FOXP1: variants seen among roughly 807,000 people sequenced by gnomAD.
The protein encoded by FOXP1 is forkhead box P1.
FOXP1 carries 15 observed loss-of-function variants against 98.2 expected under a neutral mutation model. That is an observed-to-expected ratio of 0.15 (90% CI 0.10 to 0.24). The LOEUF (loss-of-function observed/expected upper bound fraction) is 0.24. Ranked by LOEUF, FOXP1 falls within the 10% of genes least tolerant of loss-of-function variation. The pLI is 1.00. For missense variants in FOXP1, 633 were observed against 848.5 expected (o/e 0.75, Z 3.15); for synonymous variants, 371 against 314.5 (o/e 1.18, Z -1.90).
At chr3:71,517,370 T>C (rs987706546) in intron 2 of FOXP1, among the ~76,000 whole-genome samples, 2 of 152,238 alleles carry the variant, frequency 1.3e-5, no homozygotes, top group East Asian at 1.9e-4. Flanking sequence ...AATGCAAGAA[T>C]GTATTTGTCT....
chr3:71,397,097 T>TAC (rs2081575452), intron 3 of FOXP1, among the ~76,000 whole-genome samples: 40 of 106,048 alleles, frequency 3.8e-4, no homozygotes, highest in African/African-American at 1.1e-3. Context: ...TATATATATA[T>TAC]ATACATATAT....
chr3:71,427,236 C>A (rs2084244510), intron 3 of FOXP1, among the ~76,000 whole-genome samples: 1 of 151,982 alleles, frequency 6.6e-6, no homozygotes, highest in Non-Finnish European at 1.5e-5. Context: ...CAGGGTCTGG[C>A]ACAAATATAG....
intron 7 of FOXP1, among the ~76,000 whole-genome samples, chr3:71,061,787 C>G (rs2051525363): frequency 6.6e-6 from 1 of 152,172 alleles, no homozygotes; most frequent in Non-Finnish European, 1.5e-5. Flanking sequence ...TCATCTACAA[C>G]TAAACCACAT....
intron 9 of FOXP1, 59 bp from the exon 10 acceptor site, chr3:71,047,154 T>C: frequency 6.3e-7 from 1 of 1,591,718 alleles, no homozygotes; most frequent in Non-Finnish European, 8.6e-7. Context: ...GTTAAAAGTA[T>C]GGACACTTCA....
At chr3:71,410,138 T>G (rs1316038167) in intron 3 of FOXP1, among the ~76,000 whole-genome samples, 2 of 152,140 alleles carry the variant, frequency 1.3e-5, no homozygotes, top group African/African-American at 4.8e-5. Flanking sequence ...ACTTAACCAC[T>G]CAGAGTTTTC....
chr3:71,062,733 G>C (rs1010456568), intron 7 of FOXP1, among the ~76,000 whole-genome samples: 1 of 152,190 alleles, frequency 6.6e-6, no homozygotes, highest in Non-Finnish European at 1.5e-5. Context: ...CGTCAGACAA[G>C]CTGCACATTT....
At chr3:71,481,752 CT>C (rs988342778) in intron 3 of FOXP1, among the ~76,000 whole-genome samples, 5 of 151,972 alleles carry the variant, frequency 3.3e-5, no homozygotes, top group Admixed American at 2.6e-4. Context: ...TTATTCTTAC[CT>C]TTCTTGAGAA....
At chr3:71,119,061 C>T (rs1454906103) in intron 6 of FOXP1, among the ~76,000 whole-genome samples, 1 of 152,220 alleles carries the variant, frequency 6.6e-6, no homozygotes, top group Non-Finnish European at 1.5e-5. Context: ...CCAATCAGTT[C>T]CCCAAAATAA....
intron 8 of FOXP1, 68 bp from the exon 9 acceptor site, chr3:71,052,694 T>C: frequency 2.4e-6 from 2 of 849,802 alleles, no homozygotes; most frequent in East Asian, 4.8e-5. Context: ...TTTGGTGCCA[T>C]ACACAAACTG....
At chr3:71,490,774 C>T (rs2106997402) in intron 3 of FOXP1, among the ~76,000 whole-genome samples, 1 of 152,168 alleles carries the variant, frequency 6.6e-6, no homozygotes, top group East Asian at 1.9e-4. Context: ...AAATGAGCCT[C>T]ATCTTCAACA....
intron 3 of FOXP1, among the ~76,000 whole-genome samples, chr3:71,460,145 A>G (rs1176169716): frequency 1.3e-5 from 2 of 152,004 alleles, no homozygotes; most frequent in Non-Finnish European, 2.9e-5. Flanking sequence ...TGTGTTAGCC[A>G]GGATGGTCTC....
In FOXP1 at chr3:71,160,174, C is replaced by T. The variant is rs920626726; in HGVS notation, c.180+38028G>A. Among the ~76,000 whole-genome samples the T allele has an allele frequency of 4.0e-4, 61 of 152,090 alleles. 1 individual carries two copies. The highest frequency in any genetic ancestry group is 1.4e-3 in the African/African-American group (57 of 41,376). On this transcript the variant is annotated intron_variant, in intron 6 of 20. Coordinates refer to ENST00000649528, the MANE Select transcript of FOXP1 (RefSeq NM_001349338.3). ...CCGGCTGGTTTTCAATTGACACTGC[C>T]GTGTATGTATTTCTTTTTTTTTTCC...
At chr3:71,506,011 C>T (rs771469357) in intron 2 of FOXP1, among the ~76,000 whole-genome samples, 2 of 152,160 alleles carry the variant, frequency 1.3e-5, no homozygotes, top group African/African-American at 4.8e-5. Context: ...TAACAATGTG[C>T]GATTTAAATA....
intron 6 of FOXP1, among the ~76,000 whole-genome samples, chr3:71,142,728 C>T (rs2060128685): frequency 6.6e-6 from 1 of 152,216 alleles, no homozygotes; most frequent in South Asian, 2.1e-4. Context: ...GCAGCTTCCA[C>T]TTGCCTCCCT....
intron 6 of FOXP1, among the ~76,000 whole-genome samples, chr3:71,113,628 G>A (rs1487908342): frequency 1.3e-5 from 2 of 151,766 alleles, no homozygotes; most frequent in African/African-American, 2.4e-5. Flanking sequence ...CAGGAGAATC[G>A]CTTGCACCTG....
At chr3:71,352,738 A>T (rs1332018897) in intron 4 of FOXP1, among the ~76,000 whole-genome samples, 2 of 152,162 alleles carry the variant, frequency 1.3e-5, no homozygotes, top group African/African-American at 4.8e-5. Context: ...CAAAAGCTAG[A>T]ATGTTTCTCT....
intron 5 of FOXP1, among the ~76,000 whole-genome samples, chr3:71,214,015 G>A (rs1363452446): frequency 1.3e-5 from 2 of 152,190 alleles, no homozygotes; most frequent in Non-Finnish European, 2.9e-5. Context: ...CAAGAATGCA[G>A]ATATTGTCCC....
intron 2 of FOXP1, chr3:71,573,446 AAGG>A (rs775134373): frequency 6.6e-6 from 1 of 151,390 alleles, no homozygotes; most frequent in Non-Finnish European, 1.5e-5. Context: ...AGTCAGCAGC[AAGG>A]AGGATAACTT....
At chr3:71,235,496 G>T (rs2066693639) in intron 5 of FOXP1, among the ~76,000 whole-genome samples, 1 of 152,124 alleles carries the variant, frequency 6.6e-6, no homozygotes, top group African/African-American at 2.4e-5. Context: ...TGAAGTCAGG[G>T]AGCCCACCAC....
Sources: allele counts gnomAD v4.1 joint callset (sites outside exome capture counted in the v4.1 genomes callset), GRCh38; gene constraint gnomAD v4.1.1; transcripts MANE v1.5; gene names NCBI Gene and HGNC (gene_info 2026-07-23, HGNC 2026-07-21).